The following COP1 variants were observed in gnomAD, a reference collection of about 807,000 sequenced individuals.
The protein encoded by COP1 is COP1 E3 ubiquitin ligase, also known as E3 ubiquitin-protein ligase COP1.
A neutral mutation model predicts 101.3 loss-of-function variants in COP1; 24 were observed. The observed-to-expected ratio is 0.24, with a 90% CI of 0.17 to 0.33. The LOEUF (loss-of-function observed/expected upper bound fraction) is 0.33. Among genes scored for constraint, COP1 ranks in the 10% least tolerant of loss-of-function variants. The probability of loss-of-function intolerance (pLI) is 1.00; values close to 1 mark genes in which losing one functional copy is unlikely to be tolerated. For missense variants in COP1, 663 were observed against 906.2 expected (o/e 0.73, Z 3.45); for synonymous variants, 347 against 341.9 (o/e 1.01, Z -0.17).
intron 9 of COP1, among the ~76,000 whole-genome samples, chr1:176,114,129 C>T (rs1376864749): frequency 2.6e-5 from 4 of 151,994 alleles, no homozygotes; most frequent in Non-Finnish European, 4.4e-5. Context: ...AAATGCCAAG[C>T]CAGTTTCCAG....
At chr1:175,974,034 T>C (rs976617642) in intron 18 of COP1, among the ~76,000 whole-genome samples, 1 of 152,132 alleles carries the variant, frequency 6.6e-6, no homozygotes, top group African/African-American at 2.4e-5. Context: ...AGAAGGTTGT[T>C]AGATGTCACA....
intron 9 of COP1, among the ~76,000 whole-genome samples, chr1:176,091,254 C>G (rs1364203081): frequency 6.6e-6 from 1 of 151,744 alleles, no homozygotes; most frequent in Non-Finnish European, 1.5e-5. Flanking sequence ...AAGGGAATAG[C>G]TTGAACCCAG....
At chr1:176,038,431 A>T (rs564893368) in intron 14 of COP1, among the ~76,000 whole-genome samples, 2 of 152,232 alleles carry the variant, frequency 1.3e-5, no homozygotes, top group Non-Finnish European at 2.9e-5. Flanking sequence ...GAAATAGAAG[A>T]GTTAAAAATC....
At chr1:176,065,222 T>A (rs1572024599) in intron 11 of COP1, among the ~76,000 whole-genome samples, 1 of 152,206 alleles carries the variant, frequency 6.6e-6, no homozygotes, top group East Asian at 1.9e-4. Context: ...CAAGTGTTAG[T>A]ATGTTATGGA....
intron 14 of COP1, among the ~76,000 whole-genome samples, chr1:176,032,809 A>T (rs1402163707): frequency 6.6e-6 from 1 of 152,004 alleles, no homozygotes; most frequent in East Asian, 1.9e-4. Context: ...GGAACTACAC[A>T]AGCATAAGAA....
At position 176,057,597 on chromosome 1, in the gene COP1, G is replaced by A. The variant is rs1466381270; in HGVS notation, c.1278-11273C>T. ...AGTGATCCGCCAGCCTCGGCCTCCC[G>A]AGGTGCCGGGATTGCAGACGGAGTC... On this transcript the variant is annotated intron_variant, in intron 11 of 19. Coordinates refer to ENST00000367669, the MANE Select transcript of COP1 (RefSeq NM_022457.7). Among the ~76,000 whole-genome samples the A allele has an allele frequency of 5.3e-5, 8 of 152,172 alleles. No individual in the cohort carries two copies. The South Asian group carries it at 6.2e-4, about 12-fold the overall frequency.
At chr1:176,128,623 C>T (rs1688416844) in intron 8 of COP1, among the ~76,000 whole-genome samples, 1 of 151,948 alleles carries the variant, frequency 6.6e-6, no homozygotes, top group Non-Finnish European at 1.5e-5. Context: ...TTTAAGTGTA[C>T]TTGAGACTTC....
intron 15 of COP1, among the ~76,000 whole-genome samples, chr1:176,002,608 T>C (rs1352727207): frequency 2.9e-4 from 42 of 147,292 alleles, no homozygotes; most frequent in African/African-American, 9.8e-4. Flanking sequence ...TATGCAGTGT[T>C]TGGTTTTTTG....
At chr1:176,174,005 A>T in intron 3 of COP1, among the ~76,000 whole-genome samples, 1 of 150,012 alleles carries the variant, frequency 6.7e-6, no homozygotes, top group African/African-American at 2.4e-5. Flanking sequence ...AAAAAAAAAA[A>T]AAAGAGAATA....
intron 18 of COP1, among the ~76,000 whole-genome samples, chr1:175,979,246 T>G (rs1655258044): frequency 6.6e-6 from 1 of 152,134 alleles, no homozygotes; most frequent in African/African-American, 2.4e-5. Flanking sequence ...TGTTAATTGT[T>G]TTTGAAAGAG....
At position 176,115,679 on chromosome 1, in the gene COP1, G is replaced by A. The variant is rs561971084; in HGVS notation, c.1026+945C>T. Among the ~76,000 whole-genome samples, 13 of 151,844 alleles carry A rather than the reference G, an allele frequency of 8.6e-5. No individual in the cohort carries two copies. The South Asian group carries it at 2.7e-3, about 32-fold the overall frequency. On this transcript the variant is annotated intron_variant, in intron 9 of 19. Coordinates refer to ENST00000367669, the MANE Select transcript of COP1 (RefSeq NM_022457.7). ...CAGGAGAATCACTTGAACCCAGGAG[G>A]AGGTTGCAGTGAGCCGAGATCGTAC...
intron 9 of COP1, among the ~76,000 whole-genome samples, chr1:176,099,292 A>C (rs1481019471): frequency 6.6e-6 from 1 of 152,238 alleles, no homozygotes; most frequent in Non-Finnish European, 1.5e-5. Context: ...AGGACTCATG[A>C]AGAACTAAAA....
At chr1:176,191,423 T>G (rs1037710964) in intron 1 of COP1, among the ~76,000 whole-genome samples, 2 of 152,062 alleles carry the variant, frequency 1.3e-5, no homozygotes, top group African/African-American at 4.8e-5. Context: ...AAAAGGGCCA[T>G]GGAAATGTTT....
At chr1:176,195,220 A>G (rs1025333229) in intron 1 of COP1, among the ~76,000 whole-genome samples, 5 of 152,240 alleles carry the variant, frequency 3.3e-5, no homozygotes, top group African/African-American at 1.2e-4. Context: ...TATTAACATC[A>G]AAGTAGATTT....
intron 8 of COP1, among the ~76,000 whole-genome samples, chr1:176,121,347 GTT>G (rs1687085365): frequency 6.6e-6 from 1 of 152,172 alleles, no homozygotes; most frequent in East Asian, 1.9e-4. Flanking sequence ...CATTCTTCAT[GTT>G]TTTTCTTGTT....
At chr1:176,056,302 T>C (rs990048589) in intron 11 of COP1, among the ~76,000 whole-genome samples, 12 of 152,220 alleles carry the variant, frequency 7.9e-5, no homozygotes, top group African/African-American at 2.9e-4. Context: ...TTGTTAATTA[T>C]GTTATTTAGG....
At chr1:176,029,853 C>A (rs568712289) in intron 14 of COP1, among the ~76,000 whole-genome samples, 1 of 152,128 alleles carries the variant, frequency 6.6e-6, no homozygotes, top group Non-Finnish European at 1.5e-5. Context: ...AGAAATTAAT[C>A]ATTATCAAAA....
chr1:176,079,596 C>A (rs1026108520), intron 11 of COP1, among the ~76,000 whole-genome samples: 1 of 150,926 alleles, frequency 6.6e-6, no homozygotes, highest in Admixed American at 6.6e-5. Context: ...GTGCAATATA[C>A]CCATGTAACA....
chr1:176,008,068 C>T (rs930233690), intron 15 of COP1, among the ~76,000 whole-genome samples: 148 of 152,202 alleles, frequency 9.7e-4, no homozygotes, highest in Non-Finnish European at 1.1e-3. Context: ...TTAAGCCGGT[C>T]GGAAAAGCGC....
Sources: allele counts gnomAD v4.1 joint callset (sites outside exome capture counted in the v4.1 genomes callset), GRCh38; gene constraint gnomAD v4.1.1; transcripts MANE v1.5; gene names NCBI Gene and HGNC (gene_info 2026-07-23, HGNC 2026-07-21).